Variants in OTUD7A observed in about 807,000 individuals in gnomAD.
OTUD7A encodes OTU deubiquitinase 7A.
A neutral mutation model predicts 65.7 loss-of-function variants in OTUD7A; 12 were observed. That is an observed-to-expected ratio of 0.18 (90% CI 0.12 to 0.30). OTUD7A has a LOEUF of 0.30. Among genes scored for constraint, OTUD7A ranks in the 10% least tolerant of loss-of-function variants. The pLI, the probability that OTUD7A is intolerant of heterozygous loss-of-function variation, is 1.00. For missense variants in OTUD7A, 1,148 were observed against 1,304.8 expected (o/e 0.88, Z 1.85); for synonymous variants, 641 against 586.3 (o/e 1.09, Z -1.35).
intron 1 of OTUD7A, among the ~76,000 whole-genome samples, chr15:31,783,208 T>G (rs565335537): frequency 6.6e-6 from 1 of 152,278 alleles, no homozygotes; most frequent in South Asian, 2.1e-4. Flanking sequence ...TTCTCAGCTG[T>G]TAGAAACCAG....
At chr15:31,558,646 C>T (rs992720666) in intron 5 of OTUD7A, 11 of 374,518 alleles carry the variant, frequency 2.9e-5, no homozygotes, top group Non-Finnish European at 4.4e-5. Flanking sequence ...TCATTCAACA[C>T]CCACGGAGGA....
chr15:31,687,513 T>G (rs1162897882), intron 1 of OTUD7A, among the ~76,000 whole-genome samples: 1 of 152,216 alleles, frequency 6.6e-6, no homozygotes, highest in Admixed American at 6.5e-5. Flanking sequence ...CTGTACCCTC[T>G]ACCATATGCC....
At position 31,487,287 on chromosome 15, in the gene OTUD7A, A is replaced by G; in HGVS notation, c.1287-9T>C. The G allele has an allele frequency of 6.2e-7, 1 of 1,613,640 alleles. No individual in the cohort carries two copies. Among genetic ancestry groups the G allele is most frequent in the Non-Finnish European group, 8.5e-7 (1 of 1,179,642 alleles). The stretch of plus-strand genomic sequence containing the variant: ...CTAGCGACAGGATAAGGCTGGCAAG[A>G]GAAGAATATCCTATTGAAATGGTCT... On this transcript the variant is annotated splice_polypyrimidine_tract_variant and intron_variant, in intron 11 of 12. Coordinates refer to ENST00000307050, the MANE Select transcript of OTUD7A (RefSeq NM_001382637.1). This position sits in a 1 kb window ranked among gnomAD's most constrained non-coding sequence, Gnocchi z 6.0.
Position 31,550,101 on chromosome 15 carries a change from A to G in OTUD7A, c.550+8868T>C, listed in dbSNP as rs545376183. ...GGCAACAGAGGGAGACCCTGTCTCC[A>G]GGAAAAAAAAAAAAAAAAGAATGTG... On this transcript the variant is annotated intron_variant, in intron 5 of 12. Coordinates refer to ENST00000307050, the MANE Select transcript of OTUD7A (RefSeq NM_001382637.1). Among the ~76,000 whole-genome samples the G allele has an allele frequency of 1.1e-3, 94 of 88,070 alleles. 3 individuals carry two copies. In the South Asian group the frequency reaches 0.027, roughly 25 times the overall value. The allele number at this position is 88,070 out of a possible 152,430, so 57.8% of individuals were successfully genotyped here.
chr15:31,609,808 C>CA (rs950542518), intron 3 of OTUD7A, among the ~76,000 whole-genome samples: 12 of 152,160 alleles, frequency 7.9e-5, no homozygotes, highest in Non-Finnish European at 1.5e-4. Flanking sequence ...AGAACGCTCA[C>CA]AGAGTCCATT....
intron 5 of OTUD7A, among the ~76,000 whole-genome samples, chr15:31,537,796 C>A (rs1887853757): frequency 6.6e-6 from 1 of 152,218 alleles, no homozygotes; most frequent in Non-Finnish European, 1.5e-5. Context: ...GCATTGATCT[C>A]AGCTGCTAGT....
At position 31,536,307 on chromosome 15, in the gene OTUD7A, G is replaced by GATA. The variant is rs1417711844; in HGVS notation, c.551-5502_551-5500dup. The stretch of plus-strand genomic sequence containing the variant: ...ATGTCATCTTACATGTCACTTCTTG[G>GATA]ATAATACTAAAATTGTTTAAAAATT... On this transcript the variant is annotated intron_variant, in intron 5 of 12. Transcript: ENST00000307050. 6.6e-5 allele frequency among the ~76,000 whole-genome samples: 10 copies of GATA among 152,156 alleles called. No individual in the cohort carries two copies. In the South Asian group the frequency reaches 2.1e-3, roughly 32 times the overall value.
chr15:31,596,603 T>C (rs1333268671), intron 3 of OTUD7A, among the ~76,000 whole-genome samples: 1 of 152,238 alleles, frequency 6.6e-6, no homozygotes, highest in Non-Finnish European at 1.5e-5. Flanking sequence ...CTTTGTAACA[T>C]TGGAAAGTTC....
chr15:31,577,474 C>T (rs991372618), intron 3 of OTUD7A, among the ~76,000 whole-genome samples: 1 of 152,186 alleles, frequency 6.6e-6, no homozygotes, highest in South Asian at 2.1e-4. Flanking sequence ...CACTCCTTGC[C>T]TTTCTAAGCA....
At chr15:31,578,868 T>C (rs1342876332) in intron 3 of OTUD7A, among the ~76,000 whole-genome samples, 2 of 152,128 alleles carry the variant, frequency 1.3e-5, no homozygotes, top group East Asian at 3.9e-4. Context: ...ACATCTTAAA[T>C]GTATTTGACT....
chr15:31,767,314 T>C (rs1225303230), intron 1 of OTUD7A: 1 of 788,728 alleles, frequency 1.3e-6, no homozygotes, highest in Non-Finnish European at 2.3e-6. Context: ...GCAACCAAAA[T>C]GTTCACAAGT....
chr15:31,688,768 C>T (rs1352191380), intron 1 of OTUD7A, among the ~76,000 whole-genome samples: 5 of 151,002 alleles, frequency 3.3e-5, no homozygotes, highest in African/African-American at 1.2e-4. Context: ...TATTTACCAC[C>T]TGTGTGTGTC....
intron 4 of OTUD7A, among the ~76,000 whole-genome samples, chr15:31,568,470 G>T (rs1344718799): frequency 6.6e-6 from 1 of 152,236 alleles, no homozygotes; most frequent in East Asian, 1.9e-4. Context: ...ACAGGTGGAA[G>T]GGACTTGCCT....
intron 1 of OTUD7A, among the ~76,000 whole-genome samples, chr15:31,858,571 T>C (rs1357412938): frequency 6.6e-6 from 1 of 152,160 alleles, no homozygotes; most frequent in Non-Finnish European, 1.5e-5. Context: ...GGAAAGCAGG[T>C]GTTTGCTCTC....
intron 3 of OTUD7A, among the ~76,000 whole-genome samples, chr15:31,588,629 G>C (rs959895139): frequency 5.9e-5 from 9 of 152,212 alleles, no homozygotes; most frequent in African/African-American, 2.2e-4. Context: ...CCTCCCATCA[G>C]GAGCTTAAAC....
intron 3 of OTUD7A, among the ~76,000 whole-genome samples, chr15:31,609,612 C>T (rs1890337454): frequency 2.6e-5 from 4 of 152,162 alleles, no homozygotes; most frequent in South Asian, 4.1e-4. Flanking sequence ...GCCCTGCCCC[C>T]CATTGATGGT....
intron 5 of OTUD7A, among the ~76,000 whole-genome samples, chr15:31,544,260 C>T (rs1010258759): frequency 4.6e-5 from 7 of 151,510 alleles, no homozygotes; most frequent in African/African-American, 1.7e-4. Context: ...AATTAATAAC[C>T]TTAAATACTT....
intron 1 of OTUD7A, among the ~76,000 whole-genome samples, chr15:31,753,598 A>G (rs890238518): frequency 6.7e-6 from 1 of 149,840 alleles, no homozygotes; most frequent in African/African-American, 2.5e-5. Flanking sequence ...ATGGTCTCCA[A>G]TCTCATCCAG....
intron 12 of OTUD7A, among the ~76,000 whole-genome samples, chr15:31,485,040 CCT>C (rs1167796500): frequency 6.6e-6 from 1 of 152,196 alleles, no homozygotes; most frequent in African/African-American, 2.4e-5. Context: ...ACCCTGGAAC[CCT>C]GAGTAGGGTA....
Sources: allele counts gnomAD v4.1 joint callset (sites outside exome capture counted in the v4.1 genomes callset), GRCh38; gene constraint gnomAD v4.1.1; non-coding constraint Gnocchi (gnomAD v3.1); transcripts MANE v1.5; gene names NCBI Gene and HGNC (gene_info 2026-07-23, HGNC 2026-07-21).